HPCAL1: variants seen among roughly 807,000 people sequenced by gnomAD.
The protein encoded by HPCAL1 is hippocalcin-like protein 1.
Under a neutral mutation model 17.1 loss-of-function variants are expected in HPCAL1, and 8 were observed. The observed-to-expected ratio is 0.47, with a 90% CI of 0.27 to 0.84. The LOEUF is 0.84. Ranked by LOEUF, HPCAL1 falls within the 40% of genes least tolerant of loss-of-function variation. The pLI, the probability that HPCAL1 is intolerant of heterozygous loss-of-function variation, is 0.13. For synonymous variants in HPCAL1, 112 were observed against 111.4 expected, an observed-to-expected ratio of 1.01 and a Z score of -0.03; for missense variants, 165 against 271.1, an observed-to-expected ratio of 0.61 and a Z score of 2.75.
In HPCAL1 at chr2:10,413,533, G is replaced by A. The variant is rs1445125127; in HGVS notation, c.-24-6201G>A. ...CCTTCCAGAGGAGGTGCTGAGTGAG[G>A]CAGGAGGCCGCAGGCGCACACGTCT... On this transcript the variant is annotated intron_variant, in intron 2 of 4. Coordinates refer to ENST00000307845, the MANE Select transcript of HPCAL1 (RefSeq NM_002149.4). 5.9e-5 allele frequency among the ~76,000 whole-genome samples: 9 copies of A among 152,358 alleles called. No individual in the cohort carries two copies. The East Asian group carries it at 1.7e-3, about 29-fold the overall frequency.
intron 1 of HPCAL1, among the ~76,000 whole-genome samples, chr2:10,321,171 G>A (rs995190237): frequency 6.6e-5 from 10 of 152,170 alleles, no homozygotes; most frequent in African/African-American, 1.4e-4. Context: ...GAGCAGGCAC[G>A]TCACATGGAG....
intron 1 of HPCAL1, among the ~76,000 whole-genome samples, chr2:10,315,718 A>G (rs1444063146): frequency 1.3e-5 from 2 of 152,176 alleles, no homozygotes; most frequent in East Asian, 3.9e-4. Context: ...ATAAAGAAAA[A>G]CATTCAGTCC....
At chr2:10,372,741 G>C (rs900123547) in intron 1 of HPCAL1, among the ~76,000 whole-genome samples, 1 of 152,202 alleles carries the variant, frequency 6.6e-6, no homozygotes, top group Non-Finnish European at 1.5e-5. Context: ...TCCTCAGAAG[G>C]GCATCACCTG....
At chr2:10,389,150 C>T (rs192250435) in intron 1 of HPCAL1, among the ~76,000 whole-genome samples, 7 of 152,302 alleles carry the variant, frequency 4.6e-5, no homozygotes, top group Admixed American at 2.0e-4. Context: ...TGGTAATACC[C>T]GGAAGTTACG....
intron 1 of HPCAL1, among the ~76,000 whole-genome samples, chr2:10,339,957 A>C (rs6755410): frequency 0.14 from 21,106 of 152,202 alleles, 1,598 homozygotes; most frequent in South Asian, 0.23. Context: ...TGTGAGGGGT[A>C]TGGGGAGGGG....
chr2:10,329,668 G>A (rs775739273), intron 1 of HPCAL1, among the ~76,000 whole-genome samples: 4 of 152,234 alleles, frequency 2.6e-5, no homozygotes, highest in Non-Finnish European at 4.4e-5. Context: ...CAGTGACACC[G>A]GGCTTTGTCT....
intron 1 of HPCAL1, among the ~76,000 whole-genome samples, chr2:10,325,662 G>A (rs1006762352): frequency 6.6e-6 from 1 of 152,114 alleles, no homozygotes; most frequent in African/African-American, 2.4e-5. Flanking sequence ...ATTTATTTCA[G>A]GGCATCCCTG....
chr2:10,349,182 C>G (rs1448840752), intron 1 of HPCAL1, among the ~76,000 whole-genome samples: 1 of 152,102 alleles, frequency 6.6e-6, no homozygotes, highest in East Asian at 1.9e-4. Context: ...GAATCTGAAT[C>G]TTCAAAAATA....
At chr2:10,376,761 A>T (rs1667587310) in intron 1 of HPCAL1, among the ~76,000 whole-genome samples, 1 of 152,068 alleles carries the variant, frequency 6.6e-6, no homozygotes, top group Non-Finnish European at 1.5e-5. Flanking sequence ...CTGTCACAAA[A>T]TGCATATTTT....
chr2:10,393,705 G>A (rs1366663383), intron 1 of HPCAL1, among the ~76,000 whole-genome samples: 3 of 152,164 alleles, frequency 2.0e-5, no homozygotes, highest in Non-Finnish European at 4.4e-5. Flanking sequence ...GTGGAGATAG[G>A]GTGTGCTTGC....
intron 2 of HPCAL1, among the ~76,000 whole-genome samples, chr2:10,406,868 A>G (rs1483582557): frequency 1.3e-5 from 2 of 152,130 alleles, no homozygotes; most frequent in Admixed American, 1.3e-4. Context: ...TTCCGGACGG[A>G]AGGGGAGCAT....
intron 2 of HPCAL1, among the ~76,000 whole-genome samples, chr2:10,407,450 C>A (rs1313216280): frequency 6.6e-6 from 1 of 152,258 alleles, no homozygotes; most frequent in African/African-American, 2.4e-5. Context: ...GCTTGGAATA[C>A]ACAACCATTC....
intron 2 of HPCAL1, among the ~76,000 whole-genome samples, chr2:10,410,436 CTTTTTTTTTTTTTTTTTT>C (rs36002921): frequency 1.3e-5 from 1 of 77,496 alleles, no homozygotes; most frequent in East Asian, 4.3e-4. Flanking sequence ...TCTTCTTCTT[CTTTTTTTTTTTTTTTTTT>C]TTTTTTTACA....
chr2:10,325,210 G>A (rs150094132), intron 1 of HPCAL1, among the ~76,000 whole-genome samples: 14 of 151,962 alleles, frequency 9.2e-5, no homozygotes, highest in Non-Finnish European at 2.1e-4. Flanking sequence ...CACTGGTGCC[G>A]TCGGAGCACA....
rs990074334 is a variant in HPCAL1 at position 10,363,391 on chromosome 2, T to A, written c.-110-33444T>A. ...AGACGTTTACCGTCCAGCACCCCCATTTCTGCTGCTCTGATAACTTGGATC... is the reference window on the plus strand; with the variant it reads ...AGACGTTTACCGTCCAGCACCCCCAATTCTGCTGCTCTGATAACTTGGATC... On this transcript the variant is annotated intron_variant, in intron 1 of 4. Coordinates refer to ENST00000307845, the MANE Select transcript of HPCAL1 (RefSeq NM_002149.4). The surrounding 1 kb of genome is among the most constrained non-coding windows in gnomAD (Gnocchi z 4.7). 6.6e-6 allele frequency among the ~76,000 whole-genome samples: 1 copy of A among 152,144 alleles called. No individual in the cohort carries two copies. The highest frequency in any genetic ancestry group is 1.5e-5 in the Non-Finnish European group (1 of 68,024).
rs1665998273 is a variant in HPCAL1 at position 10,354,171 on chromosome 2, C to G, written c.-110-42664C>G. The G allele has an allele frequency of 6.6e-6, 1 of 152,258 alleles. No individual in the cohort carries two copies. The highest frequency in any genetic ancestry group is 2.4e-5 in the African/African-American group (1 of 41,452). 9.4% of individuals were successfully genotyped at this position (152,258 alleles called of 1,614,324 possible). On this transcript the variant is annotated intron_variant, in intron 1 of 4. Coordinates refer to ENST00000307845, the MANE Select transcript of HPCAL1 (RefSeq NM_002149.4). This position sits in a 1 kb window ranked among gnomAD's most constrained non-coding sequence, Gnocchi z 5.1. ...CTGCTTAATCCTTCCTTAACTTGCTCTTCCTGAAGCCTCAACTCACTCATC... is the reference window on the plus strand; with the variant it reads ...CTGCTTAATCCTTCCTTAACTTGCTGTTCCTGAAGCCTCAACTCACTCATC...
chr2:10,401,015 G>T (rs1297174842), intron 2 of HPCAL1, among the ~76,000 whole-genome samples: 1 of 152,246 alleles, frequency 6.6e-6, no homozygotes, highest in Non-Finnish European at 1.5e-5. Flanking sequence ...CTGGTTGGGA[G>T]ATGCCAGGCA....
intron 3 of HPCAL1, among the ~76,000 whole-genome samples, chr2:10,421,902 C>T (rs144108674): frequency 5.3e-5 from 8 of 152,250 alleles, no homozygotes; most frequent in African/African-American, 1.7e-4. Flanking sequence ...AACATGGGCT[C>T]GGGGAACTCT....
intron 1 of HPCAL1, among the ~76,000 whole-genome samples, chr2:10,360,791 C>T (rs1666473416): frequency 6.6e-6 from 1 of 152,022 alleles, no homozygotes; most frequent in Non-Finnish European, 1.5e-5. Flanking sequence ...GGCCTCAGCC[C>T]TGTAGCCATT....
Sources: gnomAD v4.1 joint callset for allele counts (sites outside exome capture counted in the v4.1 genomes callset) on GRCh38, gnomAD v4.1.1 for gene constraint, Gnocchi (gnomAD v3.1) non-coding constraint, MANE v1.5 for transcripts, NCBI Gene and HGNC (gene_info 2026-07-23, HGNC 2026-07-21) for gene names.